DCLK3: variants seen among roughly 807,000 people sequenced by gnomAD.
The protein encoded by DCLK3 is doublecortin like kinase 3.
Under a neutral mutation model 46.4 loss-of-function variants are expected in DCLK3, and 30 were observed. The ratio of observed to expected loss-of-function variants is 0.65; its 90% CI spans 0.48 to 0.88. DCLK3 has a LOEUF of 0.88. Ranked by LOEUF, DCLK3 falls within the 40% of genes least tolerant of loss-of-function variation. The probability of loss-of-function intolerance (pLI) is 0.00; values close to 1 mark genes in which losing one functional copy is unlikely to be tolerated. For synonymous variants in DCLK3, 401 were observed against 339.2 expected (o/e 1.18, Z -2.00); for missense variants, 846 against 907.1 (o/e 0.93, Z 0.87).
rs1386711992 is a variant in DCLK3 at position 36,738,151 on chromosome 3, G to A, written c.1016C>T (p.Pro339Leu). The A allele has an allele frequency of 6.2e-7, 1 of 1,613,890 alleles. No individual in the cohort carries two copies. The highest frequency in any genetic ancestry group is 8.5e-7 in the Non-Finnish European group (1 of 1,180,006). The change falls in exon 2 of 5, where the codon CCA (proline) becomes CTA (leucine). Residue 339 changes from proline (P) to leucine (L), a missense_variant. Transcript: ENST00000636136. ...CACCAGCTTCTCCACATCATACATT[G>A]GGCCCTTCCCCATATCCAGCTCACT... ...GTSELDMGKGPMYDVEKLVRT... is the reference protein window; with the variant it reads ...GTSELDMGKGLMYDVEKLVRT...
At chr3:36,763,737 C>T (rs1701558896) in intron 1 of DCLK3, among the ~76,000 whole-genome samples, 1 of 152,196 alleles carries the variant, frequency 6.6e-6, no homozygotes, top group African/African-American at 2.4e-5. Context: ...CCATTCTTTA[C>T]AGATTTGTGG....
At chr3:36,729,201 C>T (rs1701161372) in intron 2 of DCLK3, among the ~76,000 whole-genome samples, 1 of 151,012 alleles carries the variant, frequency 6.6e-6, no homozygotes, top group African/African-American at 2.4e-5. Flanking sequence ...CTTCAGTGTC[C>T]CTGCCTGAGA....
chr3:36,726,130 C>T (rs1159929363), intron 2 of DCLK3, among the ~76,000 whole-genome samples: 2 of 152,016 alleles, frequency 1.3e-5, no homozygotes, highest in Non-Finnish European at 2.9e-5. Context: ...GGCGCAAACC[C>T]AGCATATCTT....
rs1701566184 is a variant in DCLK3 at position 36,764,299 on chromosome 3, A to C, written c.-36T>G. The C allele has an allele frequency of 4.6e-6, 1 of 217,596 alleles. No homozygotes were observed. Among genetic ancestry groups the C allele is most frequent in the African/African-American group, 2.3e-5 (1 of 42,698 alleles). The allele number at this position is 217,596 out of a possible 1,614,324, so 13.5% of individuals were successfully genotyped here. A position where few individuals can be genotyped will look rare whatever the true frequency, so the allele number is the denominator to read the frequency against. ...CGGGCTCGGGGAGAGCCTGGAGCAG[A>C]GGTGGCAGCGCGGGGACGCGGCTCG... On this transcript the variant is annotated 5_prime_UTR_variant, in exon 1 of 5. Coordinates refer to ENST00000636136, the MANE Select transcript of DCLK3 (RefSeq NM_001394672.2). The surrounding 1 kb of genome is among the most constrained non-coding windows in gnomAD (Gnocchi z 4.9).
intron 1 of DCLK3, among the ~76,000 whole-genome samples, chr3:36,758,335 C>T (rs907944014): frequency 6.6e-6 from 1 of 152,068 alleles, no homozygotes; most frequent in African/African-American, 2.4e-5. Flanking sequence ...TGCATTTATA[C>T]TGTAGTTGAT....
chr3:36,728,121 A>T (rs1010631748), intron 2 of DCLK3, among the ~76,000 whole-genome samples: 95 of 152,324 alleles, frequency 6.2e-4, no homozygotes, highest in Non-Finnish European at 7.9e-4. Flanking sequence ...ATTTATGGCA[A>T]GCTTAGCTTG....
In DCLK3 at chr3:36,739,084, C is replaced by A; in HGVS notation, c.83G>T (p.Gly28Val). The A allele has an allele frequency of 2.5e-6, 1 of 398,534 alleles. No homozygotes were observed. The highest frequency in any genetic ancestry group is 1.3e-4 in the South Asian group (1 of 7,724). The allele number at this position is 398,534 out of a possible 1,614,324, so 24.7% of individuals were successfully genotyped here. The change falls in exon 2 of 5, where the codon GGA becomes GTA. Residue 28 changes from glycine to valine, a missense_variant and splice_region_variant. Gly to Val is a moderately radical substitution (Grantham distance 109). Transcript: ENST00000636136. Reference protein sequence around the residue: ...APACPARPAPGQQGLCDHSLK... With the variant: ...APACPARPAPVQQGLCDHSLK... ...AGAATGGTCACATAGGCCTTGCTGTCCTGCAACAAGAAAAGGACAACAGAG... is the reference window on the plus strand; with the variant it reads ...AGAATGGTCACATAGGCCTTGCTGTACTGCAACAAGAAAAGGACAACAGAG...
At chr3:36,751,887 G>A (rs565283844) in intron 1 of DCLK3, among the ~76,000 whole-genome samples, 1 of 152,294 alleles carries the variant, frequency 6.6e-6, no homozygotes, top group Admixed American at 6.5e-5. Context: ...CTATTGGTTG[G>A]GTCATCAGAA....
intron 1 of DCLK3, among the ~76,000 whole-genome samples, chr3:36,751,465 G>T (rs1488113433): frequency 6.6e-6 from 1 of 152,250 alleles, no homozygotes; most frequent in Non-Finnish European, 1.5e-5. Context: ...CAGATTGACA[G>T]TGGTGGCACT....
At chr3:36,736,593 T>A (rs765057749) in intron 2 of DCLK3, among the ~76,000 whole-genome samples, 37 of 152,154 alleles carry the variant, frequency 2.4e-4, no homozygotes, top group Admixed American at 1.5e-3. Context: ...ACTGCAGGCA[T>A]CCTTCCAAAA....
chr3:36,751,029 G>A (rs188579144), intron 1 of DCLK3, among the ~76,000 whole-genome samples: 1 of 119,038 alleles, frequency 8.4e-6, no homozygotes, highest in East Asian at 2.9e-4. Context: ...AAACAGATGA[G>A]CTTTTCCCTG....
chr3:36,760,490 G>A (rs1005519475), intron 1 of DCLK3, among the ~76,000 whole-genome samples: 3 of 146,062 alleles, frequency 2.1e-5, no homozygotes, highest in Non-Finnish European at 4.5e-5. Context: ...GTTGGGGGAG[G>A]GGGGAGGGAT....
At position 36,738,088 on chromosome 3, in the gene DCLK3, G is replaced by A; in HGVS notation, c.1079C>T (p.Pro360Leu). The A allele has an allele frequency of 6.2e-7, 1 of 1,613,616 alleles. No individual in the cohort carries two copies. Among genetic ancestry groups the A allele is most frequent in the Non-Finnish European group, 8.5e-7 (1 of 1,179,822 alleles). Reference sequence around the variant, plus strand: ...CTTCCACCCTTCCTCCCCACTTGCAGGATTTGCCTCGGGAGACCTCCTGCA... The same window carrying A: ...CTTCCACCCTTCCTCCCCACTTGCAAGATTTGCCTCGGGAGACCTCCTGCA... ...RSCRRSPEAN[P>L]ASGEEGWKGD... The change falls in exon 2 of 5, where the codon CCT becomes CTT. Residue 360 changes from proline to leucine, a missense_variant. By Grantham distance (98) the Pro-to-Leu change is moderately conservative. Transcript: ENST00000636136.
At chr3:36,733,087 C>T (rs1162076162) in intron 2 of DCLK3, among the ~76,000 whole-genome samples, 2 of 152,140 alleles carry the variant, frequency 1.3e-5, no homozygotes, top group Non-Finnish European at 2.9e-5. Flanking sequence ...CAGACAAGCC[C>T]GTTTCTTCCT....
intron 1 of DCLK3, among the ~76,000 whole-genome samples, chr3:36,750,972 T>G (rs1399582304): frequency 1.4e-5 from 2 of 142,834 alleles, no homozygotes; most frequent in Non-Finnish European, 3.0e-5. Flanking sequence ...CCAGCCAACA[T>G]CCAACTGGGC....
intron 1 of DCLK3, among the ~76,000 whole-genome samples, chr3:36,760,370 G>A (rs991074131): frequency 5.9e-5 from 9 of 151,374 alleles, no homozygotes; most frequent in Admixed American, 1.3e-4. Context: ...GCAAACTATC[G>A]CAAGGACAAA....
chr3:36,748,749 C>T (rs979439281), intron 1 of DCLK3, among the ~76,000 whole-genome samples: 2 of 152,176 alleles, frequency 1.3e-5, no homozygotes, highest in African/African-American at 4.8e-5. Flanking sequence ...GACCACTTTT[C>T]CTCCAGGTGA....
rs1701008613 is a variant in DCLK3, at chr3:36,718,130, T to C, written c.2140A>G (p.Ile714Val). The C allele has an allele frequency of 1.2e-6, 2 of 1,613,924 alleles. No individual in the cohort carries two copies. Among genetic ancestry groups the C allele is most frequent in the African/African-American group, 2.7e-5 (2 of 74,866 alleles). Residue 714 changes from isoleucine (I) to valine (V), a missense_variant, in exon 4 of 5, where the codon ATC (isoleucine) becomes GTC (valine). Coordinates refer to ENST00000636136, the MANE Select transcript of DCLK3 (RefSeq NM_001394672.2). ...DMWAAGVILY[I>V]LLCGFPPFRS... ...AATGGGGGAAAGCCACACAGCAGGA[T>C]ATAGAGGATCACGCCAGCAGCCCAC... is the stretch of plus-strand genomic sequence containing the variant.
At chr3:36,725,857 T>G (rs2125524288) in intron 2 of DCLK3, among the ~76,000 whole-genome samples, 1 of 152,272 alleles carries the variant, frequency 6.6e-6, no homozygotes, top group South Asian at 2.1e-4. Flanking sequence ...GCTCCTTCCT[T>G]TTTCCCATTC....
Sources: gnomAD v4.1 joint callset for allele counts (sites outside exome capture counted in the v4.1 genomes callset) on GRCh38, gnomAD v4.1.1 for gene constraint, Gnocchi (gnomAD v3.1) non-coding constraint, MANE v1.5 for transcripts, NCBI Gene and HGNC (gene_info 2026-07-23, HGNC 2026-07-21) for gene names.